KBTBD11: variants seen among roughly 807,000 people sequenced by gnomAD.
KBTBD11 encodes kelch repeat and BTB domain-containing protein 11.
For missense variants in KBTBD11, 1,390 were observed against 1,001.8 expected (o/e 1.39, Z -5.23); for synonymous variants, 747 against 499.0 (o/e 1.50, Z -6.63).
Position 2,001,426 on chromosome 8 carries a change from G to GGAGGCCGGCAGCGC in KBTBD11, c.236_249dup (p.Gly84ArgfsTer101). 2 of 1,372,154 alleles carry GGAGGCCGGCAGCGC rather than the reference G, an allele frequency of 1.5e-6. No homozygotes were observed. The highest frequency in any genetic ancestry group is 9.3e-7 in the Non-Finnish European group (1 of 1,070,208). The allele number at this position is 1,372,154 out of a possible 1,614,324, so 85.0% of individuals were successfully genotyped here. A position where few individuals can be genotyped will look rare whatever the true frequency, so the allele number is the denominator to read the frequency against. ...GCCCGCGGGTGGTGGAGCGGCAGTG[G>GGAGGCCGGCAGCGC]GAGGCCGGCAGCGCGGGCGCCGCGT... On this transcript the variant is annotated frameshift_variant, in exon 2 of 2. Coordinates refer to ENST00000320248, the MANE Select transcript of KBTBD11 (RefSeq NM_014867.3). LOFTEE classifies it low-confidence loss of function (END_TRUNC).
rs1817531107 is a variant in KBTBD11 at position 2,005,081 on chromosome 8, A to G, written c.*2017A>G. ...GCTTCCAGAGTAACACTGTCCCCGGAAAAGGATATGAGAAGTGGTGGATGT... is the reference window on the plus strand; with the variant it reads ...GCTTCCAGAGTAACACTGTCCCCGGGAAAGGATATGAGAAGTGGTGGATGT... On this transcript the variant is annotated 3_prime_UTR_variant, in exon 2 of 2. Coordinates refer to ENST00000320248, the MANE Select transcript of KBTBD11 (RefSeq NM_014867.3). The G allele has an allele frequency of 6.0e-6, 1 of 167,054 alleles. No individual in the cohort carries two copies. Among genetic ancestry groups the G allele is most frequent in the Non-Finnish European group, 1.5e-5 (1 of 68,128 alleles). 10.3% of individuals were successfully genotyped at this position (167,054 alleles called of 1,614,324 possible).
At position 2,003,945 on chromosome 8, in the gene KBTBD11, T is replaced by A. The variant is rs1241865332; in HGVS notation, c.*881T>A. On this transcript the variant is annotated 3_prime_UTR_variant, in exon 2 of 2. Transcript: ENST00000320248. ...TGTATGCCCAGCCGCTTTCATAATCTGGAACGAGATAAAATATTCCTAAAA... is the reference window on the plus strand; with the variant it reads ...TGTATGCCCAGCCGCTTTCATAATCAGGAACGAGATAAAATATTCCTAAAA... 1 of 166,916 alleles carries A rather than the reference T, an allele frequency of 6.0e-6. No individual in the cohort carries two copies. Among genetic ancestry groups the A allele is most frequent in the Non-Finnish European group, 1.5e-5 (1 of 68,122 alleles). The allele number at this position is 166,916 out of a possible 1,614,324, so 10.3% of individuals were successfully genotyped here.
chr8:1,991,515 G>C (rs563122025), intron 1 of KBTBD11, among the ~76,000 whole-genome samples: 43 of 152,350 alleles, frequency 2.8e-4, no homozygotes, highest in Non-Finnish European at 4.4e-4. Flanking sequence ...TTCTGCTGGA[G>C]ATAATGAGCT....
Position 2,001,466 on chromosome 8 carries a change from G to A in KBTBD11, c.274G>A (p.Ala92Thr), listed in dbSNP as rs1316413043. The stretch of plus-strand genomic sequence containing the variant: ...GGGCGCCGCGTCCCCGGAGGAGCTC[G>A]CGTCCCCTGAGGAGCGCGCGTGCCC... ...SAGAASPEEL[A>T]SPEERACPEE... The change falls in exon 2 of 2, where the codon GCG becomes ACG. Residue 92 changes from alanine (A) to threonine (T), a missense_variant. Physicochemically the swap from Ala to Thr is moderately conservative, Grantham distance 58. Coordinates refer to ENST00000320248, the MANE Select transcript of KBTBD11 (RefSeq NM_014867.3). The A allele has an allele frequency of 6.6e-6, 9 of 1,367,592 alleles. No homozygotes were observed. The highest frequency in any genetic ancestry group is 8.4e-6 in the Non-Finnish European group (9 of 1,068,872). The allele number at this position is 1,367,592 out of a possible 1,614,324, so 84.7% of individuals were successfully genotyped here. A position where few individuals can be genotyped will look rare whatever the true frequency, so the allele number is the denominator to read the frequency against.
chr8:1,979,264 G>A (rs1031339549), intron 1 of KBTBD11, among the ~76,000 whole-genome samples: 1 of 152,258 alleles, frequency 6.6e-6, no homozygotes, highest in East Asian at 1.9e-4. Flanking sequence ...ATTGGACGAG[G>A]CCCACCCATA....
intron 1 of KBTBD11, among the ~76,000 whole-genome samples, chr8:1,982,358 C>G (rs1816565858): frequency 6.6e-6 from 1 of 152,088 alleles, no homozygotes; most frequent in Non-Finnish European, 1.5e-5. Flanking sequence ...ACCTACAAAA[C>G]AACCAGAAAA....
At chr8:1,983,485 C>T (rs929336697) in intron 1 of KBTBD11, among the ~76,000 whole-genome samples, 8 of 152,166 alleles carry the variant, frequency 5.3e-5, no homozygotes, top group African/African-American at 1.4e-4. Flanking sequence ...CATCATCCGT[C>T]GGGTTATCTT....
chr8:1,985,011 G>A (rs1298043657), intron 1 of KBTBD11, among the ~76,000 whole-genome samples: 2 of 152,188 alleles, frequency 1.3e-5, no homozygotes, highest in African/African-American at 4.8e-5. Context: ...GTCTGATCAG[G>A]TATTGCATTC....
intron 1 of KBTBD11, among the ~76,000 whole-genome samples, chr8:1,988,666 C>T (rs369841580): frequency 1.3e-5 from 2 of 152,170 alleles, no homozygotes; most frequent in African/African-American, 2.4e-5. Context: ...AGCCTTTGTC[C>T]TGGTTCCTGA....
chr8:1,979,201 G>A (rs1189611027), intron 1 of KBTBD11, among the ~76,000 whole-genome samples: 1 of 152,210 alleles, frequency 6.6e-6, no homozygotes, highest in East Asian at 1.9e-4. Context: ...GGGAAGTGCT[G>A]GCATTGCAGT....
At chr8:1,998,531 CG>C (rs767875159) in intron 1 of KBTBD11, among the ~76,000 whole-genome samples, 17 of 152,116 alleles carry the variant, frequency 1.1e-4, no homozygotes, top group Non-Finnish European at 2.4e-4. Context: ...AGATGACTCT[CG>C]GGATGGAGGC....
At chr8:1,985,112 G>C (rs1002976245) in intron 1 of KBTBD11, among the ~76,000 whole-genome samples, 1 of 152,190 alleles carries the variant, frequency 6.6e-6, no homozygotes, top group South Asian at 2.1e-4. Context: ...TCCTGTTGCC[G>C]ACAGCCAGTC....
At chr8:1,974,909 T>A (rs890465180) in intron 1 of KBTBD11, 1 of 172,640 alleles carries the variant, frequency 5.8e-6, no homozygotes, top group Non-Finnish European at 1.2e-5. Flanking sequence ...CGTCAGATTT[T>A]AAAGTTCCAG....
chr8:2,002,597 C>T lies in KBTBD11; in HGVS notation c.1405C>T (p.Arg469Cys), dbSNP rs746651131. 2.5e-6 allele frequency: 4 copies of T among 1,585,692 alleles called. No homozygotes were observed. Among genetic ancestry groups the T allele is most frequent in the Non-Finnish European group, 2.6e-6 (3 of 1,174,590 alleles). The part of the protein sequence containing the change: ...IYVSGGSLFY[R>C]LLKYDPRRDE... ...CGTGTCCGGGGGCTCCCTCTTCTAT[C>T]GCCTGCTCAAGTATGACCCGCGGCG... The change falls in exon 2 of 2, where the codon CGC (arginine) becomes TGC (cysteine). Residue 469 changes from arginine (R) to cysteine (C), a missense_variant. Arg to Cys is a radical substitution (Grantham distance 180, BLOSUM62 -3). Coordinates refer to ENST00000320248, the MANE Select transcript of KBTBD11 (RefSeq NM_014867.3). This position sits in a 1 kb window ranked among gnomAD's most constrained non-coding sequence, Gnocchi z 4.1.
At chr8:1,974,174 C>T (rs1165460325) in intron 1 of KBTBD11, among the ~76,000 whole-genome samples, 1 of 131,686 alleles carries the variant, frequency 7.6e-6, no homozygotes, top group Non-Finnish European at 1.6e-5. Context: ...GCAGCGCTGC[C>T]CGCGGCGGGG....
rs1485978362 is a variant in KBTBD11, at chr8:2,006,832, T to C, written c.*3768T>C. The C allele has an allele frequency of 6.0e-6, 1 of 167,092 alleles. No homozygotes were observed. Among genetic ancestry groups the C allele is most frequent in the African/African-American group, 2.4e-5 (1 of 41,474 alleles). 10.4% of individuals were successfully genotyped at this position (167,092 alleles called of 1,614,324 possible). ...TGTTGTGATCTGTGTAGTTAATGTA[T>C]TTATTAATGCTTGACTTTTAAAATC... On this transcript the variant is annotated 3_prime_UTR_variant, in exon 2 of 2. Coordinates refer to ENST00000320248, the MANE Select transcript of KBTBD11 (RefSeq NM_014867.3).
In KBTBD11 at chr8:2,000,983, G is replaced by A; in HGVS notation, c.-210G>A. On this transcript the variant is annotated 5_prime_UTR_variant, in exon 2 of 2. Transcript: ENST00000320248. ...GTCGGACACACCCCTCCTCGCTGGA[G>A]AGGAGAGGGCAAAGGCGAGGCGGGG... 1 of 540,144 alleles carries A rather than the reference G, an allele frequency of 1.9e-6. No homozygotes were observed. The highest frequency in any genetic ancestry group is 2.8e-6 in the Non-Finnish European group (1 of 356,494). The allele number at this position is 540,144 out of a possible 1,614,324, so 33.5% of individuals were successfully genotyped here.
chr8:1,985,401 G>C (rs938895320), intron 1 of KBTBD11, among the ~76,000 whole-genome samples: 1 of 152,264 alleles, frequency 6.6e-6, no homozygotes, highest in African/African-American at 2.4e-5. Flanking sequence ...GCGCTTAGGG[G>C]TTCCCCCTCG....
Position 2,001,190 on chromosome 8 carries a change from G to C in KBTBD11, c.-3G>C. Reference sequence around the variant, plus strand: ...CGCGGGCGCAGCGCAGCACAGCCCGGCCATGGAGCACGCGGTGGCCCCCTG... The same window carrying C: ...CGCGGGCGCAGCGCAGCACAGCCCGCCCATGGAGCACGCGGTGGCCCCCTG... On this transcript the variant is annotated 5_prime_UTR_variant, in exon 2 of 2. Coordinates refer to ENST00000320248, the MANE Select transcript of KBTBD11 (RefSeq NM_014867.3). 2.2e-6 allele frequency: 3 copies of C among 1,353,640 alleles called. No individual in the cohort carries two copies. Among genetic ancestry groups the C allele is most frequent in the Non-Finnish European group, 2.9e-6 (3 of 1,051,230 alleles). 83.9% of individuals were successfully genotyped at this position (1,353,640 alleles called of 1,614,324 possible).
Sources: gnomAD v4.1 joint callset for allele counts (sites outside exome capture counted in the v4.1 genomes callset) on GRCh38, gnomAD v4.1.1 for gene constraint, Gnocchi (gnomAD v3.1) non-coding constraint, MANE v1.5 for transcripts, NCBI Gene and HGNC (gene_info 2026-07-23, HGNC 2026-07-21) for gene names.